Variants in TEX10 observed in about 807,000 individuals in gnomAD.
TEX10 encodes the protein testis expressed 10, also known as testis-expressed protein 10.
Under a neutral mutation model 104.4 loss-of-function variants are expected in TEX10, and 24 were observed. That is an observed-to-expected ratio of 0.23 (90% CI 0.17 to 0.32). TEX10 has a LOEUF of 0.32. Among genes scored for constraint, TEX10 ranks in the 10% least tolerant of loss-of-function variants. The pLI is 1.00. For synonymous variants in TEX10, 396 were observed against 393.4 expected (o/e 1.01, Z -0.08); for missense variants, 921 against 1,083.9 (o/e 0.85, Z 2.11).
At chr9:100,345,590 A>G (rs1835281277) in intron 4 of TEX10, among the ~76,000 whole-genome samples, 1 of 152,228 alleles carries the variant, frequency 6.6e-6, no homozygotes. Context: ...AAAGTGTAGC[A>G]TACACTATGC....
At chr9:100,302,937 C>CCCA (rs67326474) in intron 14 of TEX10, among the ~76,000 whole-genome samples, 1 of 112,862 alleles carries the variant, frequency 8.9e-6, no homozygotes, top group African/African-American at 3.3e-5. Flanking sequence ...CGCCCCCCCC[C>CCCA]CAAACTAAAA....
chr9:100,342,470 T>A (rs959748564), intron 4 of TEX10, among the ~76,000 whole-genome samples: 4 of 152,362 alleles, frequency 2.6e-5, no homozygotes, highest in African/African-American at 9.6e-5. Context: ...GTTCTATATC[T>A]ATCTGCACTG....
At chr9:100,333,895 G>C (rs1402963949) in intron 5 of TEX10, among the ~76,000 whole-genome samples, 2 of 151,938 alleles carry the variant, frequency 1.3e-5, no homozygotes, top group African/African-American at 4.8e-5. Context: ...AACGGTGATA[G>C]AACAACTGGA....
chr9:100,333,590 G>A (rs1834927899), intron 5 of TEX10, among the ~76,000 whole-genome samples: 1 of 145,758 alleles, frequency 6.9e-6, no homozygotes, highest in African/African-American at 2.5e-5. Flanking sequence ...AGGATCCCTT[G>A]AGCCCAGTTC....
chr9:100,330,250 A>G (rs1834823177), intron 5 of TEX10, 81 bp from the exon 6 acceptor site: 1 of 1,114,216 alleles, frequency 9.0e-7, no homozygotes, highest in Non-Finnish European at 1.3e-6. Context: ...TAATCTATCA[A>G]TGGAGTTTTA....
At chr9:100,315,212 T>C (rs535828878) in intron 11 of TEX10, among the ~76,000 whole-genome samples, 17 of 152,318 alleles carry the variant, frequency 1.1e-4, no homozygotes, top group Admixed American at 3.9e-4. Flanking sequence ...TATGTGATGA[T>C]GAGAAGAATG....
chr9:100,343,489 T>G (rs1564219598), intron 4 of TEX10, among the ~76,000 whole-genome samples: 1 of 151,872 alleles, frequency 6.6e-6, no homozygotes, highest in Admixed American at 6.6e-5. Flanking sequence ...ATAAACAACT[T>G]CAGTTGATTA....
chr9:100,312,691 A>C (rs1318152278), intron 11 of TEX10, among the ~76,000 whole-genome samples: 2 of 152,208 alleles, frequency 1.3e-5, no homozygotes, highest in Non-Finnish European at 2.9e-5. Context: ...ACTCTCCCCA[A>C]GTATCATACC....
In TEX10 at chr9:100,302,109, C is replaced by CAAAG. The variant is rs1554732078; in HGVS notation, c.*78_*81dup. The CAAAG allele has an allele frequency of 6.1e-6, 5 of 814,212 alleles. No individual in the cohort carries two copies. The Admixed American group carries it at 1.0e-4, about 17-fold the overall frequency. The allele number at this position is 814,212 out of a possible 1,614,324, so 50.4% of individuals were successfully genotyped here. On this transcript the variant is annotated 3_prime_UTR_variant, in exon 15 of 15. Coordinates refer to ENST00000374902, the MANE Select transcript of TEX10 (RefSeq NM_017746.4). ...TTCTTTAAAAGTTCAGCTTTAATGA[C>CAAAG]AAAGATCTATTACATCAGTCTTTTT...
chr9:100,337,817 CCATAT>C (rs1248215352), intron 5 of TEX10, among the ~76,000 whole-genome samples: 1 of 152,176 alleles, frequency 6.6e-6, no homozygotes, highest in Non-Finnish European at 1.5e-5. Flanking sequence ...CCTCCTGAAA[CCATAT>C]CCACGTTCAT....
chr9:100,310,236 A>C, intron 12 of TEX10, 63 bp downstream of exon 12: 1 of 1,353,212 alleles, frequency 7.4e-7, no homozygotes, highest in Non-Finnish European at 1.0e-6. Context: ...GGCTGTGGAA[A>C]ACTCTATTCT....
At chr9:100,345,164 G>A (rs1012552031) in intron 4 of TEX10, among the ~76,000 whole-genome samples, 1 of 151,972 alleles carries the variant, frequency 6.6e-6, no homozygotes, top group Non-Finnish European at 1.5e-5. Context: ...TCTCAAAACC[G>A]TAATCAATAA....
intron 5 of TEX10, among the ~76,000 whole-genome samples, chr9:100,336,575 C>T (rs1251082866): frequency 6.6e-6 from 1 of 152,180 alleles, no homozygotes; most frequent in Non-Finnish European, 1.5e-5. Context: ...AAAACAAGCT[C>T]AGGGCTCCCA....
Position 100,302,147 on chromosome 9 carries a change from T to C in TEX10, c.*44A>G, listed in dbSNP as rs371643437. The C allele has an allele frequency of 1.7e-6, 2 of 1,160,024 alleles. No homozygotes were observed. Among genetic ancestry groups the C allele is most frequent in the African/African-American group, 3.1e-5 (2 of 64,630 alleles). 71.9% of individuals were successfully genotyped at this position (1,160,024 alleles called of 1,614,324 possible). A position where few individuals can be genotyped will look rare whatever the true frequency, so the allele number is the denominator to read the frequency against. ...CATCAGTCTTTTTCTTCAAATAAGA[T>C]AGATGTGAATAAACAACTTCAAACA... On this transcript the variant is annotated 3_prime_UTR_variant, in exon 15 of 15. Transcript: ENST00000374902.
chr9:100,310,410 A>C, intron 11 of TEX10, 31 bp from the exon 12 acceptor site: 2 of 1,564,332 alleles, frequency 1.3e-6, no homozygotes, highest in Non-Finnish European at 1.8e-6. Flanking sequence ...CACTAACCAA[A>C]TCAGAACATT....
At chr9:100,345,020 T>A (rs990135592) in intron 4 of TEX10, among the ~76,000 whole-genome samples, 1 of 152,244 alleles carries the variant, frequency 6.6e-6, no homozygotes, top group Non-Finnish European at 1.5e-5. Flanking sequence ...AGGAGCTATA[T>A]ACATTCTTAC....
At position 100,303,748 on chromosome 9, in the gene TEX10, G is replaced by A; in HGVS notation, c.2560C>T (p.Pro854Ser). The A allele has an allele frequency of 6.2e-7, 1 of 1,614,040 alleles. No homozygotes were observed. Among genetic ancestry groups the A allele is most frequent in the Non-Finnish European group, 8.5e-7 (1 of 1,180,018 alleles). ...LQSLRVNRVG[P>S]EELPVVGQLL... Reference sequence around the variant, plus strand: ...TGGCCCACAACAGGCAGCTCCTCAGGCCCAACTCTGTTCACCCGCAGGCTC... The same window carrying A: ...TGGCCCACAACAGGCAGCTCCTCAGACCCAACTCTGTTCACCCGCAGGCTC... Residue 854 changes from proline (P) to serine (S), a missense_variant, in exon 14 of 15, where the codon CCT (proline) becomes TCT (serine). By Grantham distance (74) the Pro-to-Ser change is moderately conservative (BLOSUM62 -1). Transcript: ENST00000374902.
chr9:100,308,254 T>C (rs1432247023), intron 13 of TEX10, among the ~76,000 whole-genome samples: 1 of 152,134 alleles, frequency 6.6e-6, no homozygotes, highest in Admixed American at 6.5e-5. Flanking sequence ...AGAAATTTTA[T>C]AATGCCATCT....
intron 13 of TEX10, chr9:100,306,455 G>A (rs1588162538): frequency 6.6e-6 from 1 of 152,136 alleles, no homozygotes; most frequent in Non-Finnish European, 1.5e-5. Flanking sequence ...CAAACTAAGA[G>A]GGCTCAGACT....
Sources: gnomAD v4.1 joint callset for allele counts (sites outside exome capture counted in the v4.1 genomes callset) on GRCh38, gnomAD v4.1.1 for gene constraint, MANE v1.5 for transcripts, NCBI Gene and HGNC (gene_info 2026-07-23, HGNC 2026-07-21) for gene names.